The following RYR3 variants were observed in gnomAD, a reference collection of about 807,000 sequenced individuals.
RYR3 encodes ryanodine receptor 3, also known as brain ryanodine receptor-calcium release channel.
Under a neutral mutation model 584.3 loss-of-function variants are expected in RYR3, and 207 were observed. The observed-to-expected ratio is 0.35, with a 90% CI of 0.32 to 0.40. RYR3 has a LOEUF of 0.40. Among genes scored for constraint, RYR3 ranks in the 10% least tolerant of loss-of-function variants. The probability of loss-of-function intolerance (pLI) is 1.00; values close to 1 mark genes in which losing one functional copy is unlikely to be tolerated. For missense variants in RYR3, 5,616 were observed against 6,089.2 expected (o/e 0.92, Z 2.59); for synonymous variants, 2,416 against 2,248.5 (o/e 1.07, Z -2.11).
intron 88 of RYR3, 57 bp from the exon 89 acceptor site, chr15:33,837,574 A>G: frequency 6.8e-7 from 1 of 1,478,040 alleles, no homozygotes; most frequent in Non-Finnish European, 9.0e-7. Flanking sequence ...CTGACAAGTG[A>G]CATGATAGCT....
chr15:33,597,562 G>T (rs1467663320), intron 16 of RYR3, among the ~76,000 whole-genome samples: 1 of 149,706 alleles, frequency 6.7e-6, no homozygotes, highest in Admixed American at 6.7e-5. Context: ...AGTGAGCCAA[G>T]ATTGCACCAC....
chr15:33,531,418 A>C (rs906447925), intron 4 of RYR3, among the ~76,000 whole-genome samples: 1 of 152,090 alleles, frequency 6.6e-6, no homozygotes, highest in African/African-American at 2.4e-5. Flanking sequence ...TCAATCAACT[A>C]TATGCCACTC....
rs74942202 is a variant in RYR3, at chr15:33,392,257, C to G, written c.51+81161C>G. On this transcript the variant is annotated intron_variant, in intron 1 of 103. Coordinates refer to ENST00000634891, the MANE Select transcript of RYR3 (RefSeq NM_001036.6). ...GAATGAAGAGACTCTGTCTGGGTCT[C>G]GTTGCATGCGTCAGTGTCTTAGGGT... Among the ~76,000 whole-genome samples, 77 of 151,220 alleles carry G rather than the reference C, an allele frequency of 5.1e-4. 2 individuals carry two copies. The East Asian group carries it at 0.015, about 29-fold the overall frequency.
chr15:33,502,790 TA>T (rs2052110501), intron 2 of RYR3, among the ~76,000 whole-genome samples: 1 of 152,230 alleles, frequency 6.6e-6, no homozygotes, highest in African/African-American at 2.4e-5. Context: ...CAGCCAAATG[TA>T]ACCCTTGGGC....
At chr15:33,779,740 C>T (rs1460937753) in intron 64 of RYR3, among the ~76,000 whole-genome samples, 4 of 152,110 alleles carry the variant, frequency 2.6e-5, no homozygotes, top group South Asian at 2.1e-4. Context: ...TGGTGGCTCA[C>T]GCCTGTAGTC....
Position 33,860,618 on chromosome 15 carries a change from G to C in RYR3, c.14323G>C (p.Glu4775Gln). ...IQGLIIDAFG[E>Q]LRDQQEQVRE... ...AGGTCTTATTATTGATGCTTTCGGA[G>C]AGCTAAGAGACCAGCAGGAACAAGT... The change falls in exon 101 of 104, where the codon GAG becomes CAG. Residue 4775 changes from glutamate (E) to glutamine (Q), a missense_variant. Around this residue, in one of 9 missense-constraint regions of RYR3, gnomAD observed 918 missense variants for 887.4 expected, o/e 1.03. Transcript: ENST00000634891. 1 of 1,593,058 alleles carries C rather than the reference G, an allele frequency of 6.3e-7. No homozygotes were observed. The highest frequency in any genetic ancestry group is 8.6e-7 in the Non-Finnish European group (1 of 1,168,336).
intron 3 of RYR3, among the ~76,000 whole-genome samples, chr15:33,527,594 A>AG (rs1279040091): frequency 1.3e-5 from 2 of 152,078 alleles, no homozygotes; most frequent in South Asian, 4.2e-4. Flanking sequence ...CTCAAAAAAA[A>AG]AAAAAAAGGC....
chr15:33,738,438 T>C lies in RYR3; in HGVS notation c.7516-12T>C, dbSNP rs780711749. 6.2e-7 allele frequency: 1 copy of C among 1,609,608 alleles called. No individual in the cohort carries two copies. Among genetic ancestry groups the C allele is most frequent in the East Asian group, 2.2e-5 (1 of 44,828 alleles). ...GCCACCCCGCTGGTCTGTCCTGTTC[T>C]GCACCTCCCAGCTTCTGACGAATCA... On this transcript the variant is annotated splice_polypyrimidine_tract_variant and intron_variant, in intron 49 of 103. Coordinates refer to ENST00000634891, the MANE Select transcript of RYR3 (RefSeq NM_001036.6).
At chr15:33,799,848 GTGTC>G (rs777128695) in intron 67 of RYR3, among the ~76,000 whole-genome samples, 1 of 152,188 alleles carries the variant, frequency 6.6e-6, no homozygotes, top group African/African-American at 2.4e-5. Context: ...CATTCAGTCA[GTGTC>G]TGAAGAGTTG....
In RYR3 at chr15:33,662,722, C is replaced by A; in HGVS notation, c.5192C>A (p.Thr1731Asn). 1 of 1,614,130 alleles carries A rather than the reference C, an allele frequency of 6.2e-7. No individual in the cohort carries two copies. Among genetic ancestry groups the A allele is most frequent in the Non-Finnish European group, 8.5e-7 (1 of 1,180,036 alleles). The part of the protein sequence containing the change: ...QFVPVLKLIG[T>N]LLVMGVFDDD... The stretch of plus-strand genomic sequence containing the variant: ...GTGCCTGTGCTGAAACTCATTGGAA[C>A]CCTGCTGGTCATGGGCGTGTTTGAT... Residue 1731 changes from threonine (T) to asparagine (N), a missense_variant, in exon 35 of 104, where the codon ACC (threonine) becomes AAC (asparagine). This residue lies in a region of RYR3 where 753 missense variants were observed against 741.0 expected (regional missense o/e 1.02). Transcript: ENST00000634891.
chr15:33,590,342 C>A (rs946815814), intron 16 of RYR3, among the ~76,000 whole-genome samples: 4 of 152,140 alleles, frequency 2.6e-5, no homozygotes, highest in African/African-American at 9.7e-5. Context: ...TAATGTGGTG[C>A]CTCCAGCTTT....
intron 38 of RYR3, among the ~76,000 whole-genome samples, chr15:33,677,468 C>T (rs545483224): frequency 1.3e-5 from 2 of 152,284 alleles, no homozygotes; most frequent in South Asian, 4.1e-4. Flanking sequence ...GCTCTTTTCC[C>T]CACCATCATC....
chr15:33,457,329 G>C (rs1010231771), intron 1 of RYR3, among the ~76,000 whole-genome samples: 1 of 152,174 alleles, frequency 6.6e-6, no homozygotes, highest in Non-Finnish European at 1.5e-5. Context: ...CAATAGCCAA[G>C]ATATAGAATC....
In RYR3 at chr15:33,463,163, CA is replaced by C. The variant is rs1187564488; in HGVS notation, c.52-10243del. 6.9e-3 allele frequency among the ~76,000 whole-genome samples: 978 copies of C among 141,758 alleles called. 12 individuals are homozygous for C. Among genetic ancestry groups the C allele is most frequent in the African/African-American group, 0.02 (783 of 38,642 alleles). 93.0% of individuals were successfully genotyped at this position (141,758 alleles called of 152,430 possible). On this transcript the variant is annotated intron_variant, in intron 1 of 103. Coordinates refer to ENST00000634891, the MANE Select transcript of RYR3 (RefSeq NM_001036.6). ...TGGGTGACAGAGTGAGACCCTATCT[CA>C]AAAAAAAAAAAATTTTTTTTCAGAG...
At chr15:33,541,007 T>C (rs2055771824) in intron 7 of RYR3, 117 bp downstream of exon 7, 6 of 631,860 alleles carry the variant, frequency 9.5e-6, no homozygotes, top group Admixed American at 4.9e-5. Flanking sequence ...ACAGGTAGCC[T>C]GATTTTAGCT....
At chr15:33,443,650 CT>C (rs2046401452) in intron 1 of RYR3, among the ~76,000 whole-genome samples, 1 of 152,066 alleles carries the variant, frequency 6.6e-6, no homozygotes, top group Non-Finnish European at 1.5e-5. Context: ...GTTGTCAGGT[CT>C]TTTATTGTTT....
chr15:33,820,852 A>G, intron 78 of RYR3, 40 bp downstream of exon 78: 1 of 1,333,466 alleles, frequency 7.5e-7, no homozygotes, highest in Non-Finnish European at 9.9e-7. Flanking sequence ...CCACCCTCCA[A>G]GGCCAATAGG....
chr15:33,581,534 C>T lies in RYR3; in HGVS notation c.1464C>T (p.Cys488=), dbSNP rs1358562517. 1 of 1,613,534 alleles carries T rather than the reference C, an allele frequency of 6.2e-7. No individual in the cohort carries two copies. Among genetic ancestry groups the T allele is most frequent in the South Asian group, 1.1e-5 (1 of 91,074 alleles). The change falls in exon 14 of 104, where the codon TGC becomes TGT. Residue 488 remains cysteine (C), a synonymous_variant. Transcript: ENST00000634891. The stretch of plus-strand genomic sequence containing the variant: ...GAATGTTGGCCCTTGTCTTAAATTG[C>T]ATTGACCGCTTAAATGTCTACAATA... The part of the protein sequence containing the change: ...EEGMLALVLN[C]IDRLNVYNSV...
At chr15:33,434,261 A>G (rs910942164) in intron 1 of RYR3, among the ~76,000 whole-genome samples, 1 of 151,888 alleles carries the variant, frequency 6.6e-6, no homozygotes, top group African/African-American at 2.4e-5. Flanking sequence ...GAAATTCATC[A>G]GTTGTTTGTT....
Sources: allele counts gnomAD v4.1 joint callset (sites outside exome capture counted in the v4.1 genomes callset), GRCh38; gene constraint gnomAD v4.1.1; regional missense constraint gnomAD v4.1.1; transcripts MANE v1.5; gene names NCBI Gene and HGNC (gene_info 2026-07-23, HGNC 2026-07-21).